The following NCKAP5 variants were observed in gnomAD, a reference collection of about 807,000 sequenced individuals.
NCKAP5 encodes nck-associated protein 5.
Under a neutral mutation model 167.0 loss-of-function variants are expected in NCKAP5, and 92 were observed. That is an observed-to-expected ratio of 0.55 (90% CI 0.47 to 0.66). NCKAP5 has a LOEUF of 0.66. Ranked by LOEUF, NCKAP5 falls within the 30% of genes least tolerant of loss-of-function variation. The pLI is 0.00. For missense variants in NCKAP5, 2,378 were observed against 2,315.0 expected, an observed-to-expected ratio of 1.03 and a Z score of -0.56; for synonymous variants, 891 against 877.4, an observed-to-expected ratio of 1.02 and a Z score of -0.27.
chr2:133,034,399 A>C (rs1034908708), intron 6 of NCKAP5, among the ~76,000 whole-genome samples: 1 of 152,170 alleles, frequency 6.6e-6, no homozygotes, highest in Non-Finnish European at 1.5e-5. Context: ...AAAGAACACT[A>C]ATGAGCAATA....
chr2:133,099,471 A>T (rs1008498226), intron 6 of NCKAP5, among the ~76,000 whole-genome samples: 1 of 152,196 alleles, frequency 6.6e-6, no homozygotes, highest in African/African-American at 2.4e-5. Flanking sequence ...CCCTGTCCTG[A>T]TATTCTCAGA....
At chr2:132,902,504 G>A (rs114884030) in intron 8 of NCKAP5, among the ~76,000 whole-genome samples, 132 of 152,320 alleles carry the variant, frequency 8.7e-4, no homozygotes, top group African/African-American at 3.2e-3. Flanking sequence ...AGGGTTTATT[G>A]ATTTACACAG....
At chr2:133,515,679 T>C (rs533652742) in intron 3 of NCKAP5, among the ~76,000 whole-genome samples, 4 of 152,302 alleles carry the variant, frequency 2.6e-5, no homozygotes, top group African/African-American at 9.6e-5. Flanking sequence ...TGTGACAGGA[T>C]TTTACTTATG....
At chr2:133,098,258 T>C (rs1182929562) in intron 6 of NCKAP5, among the ~76,000 whole-genome samples, 1 of 152,242 alleles carries the variant, frequency 6.6e-6, no homozygotes, top group East Asian at 1.9e-4. Flanking sequence ...TTGAATGCTA[T>C]TGTTAATGTG....
intron 19 of NCKAP5, among the ~76,000 whole-genome samples, chr2:132,709,414 G>A (rs2566525): frequency 0.61 from 92,477 of 151,700 alleles, 28,458 homozygotes; most frequent in East Asian, 0.85. Context: ...CAAGTTAAAA[G>A]TTGGTTTCTG....
chr2:133,366,707 T>C (rs1327022547), intron 3 of NCKAP5, among the ~76,000 whole-genome samples: 2 of 152,196 alleles, frequency 1.3e-5, no homozygotes, highest in South Asian at 2.1e-4. Context: ...TTATACACAG[T>C]TCATAAGAGA....
At chr2:133,365,464 G>T (rs1559420024) in intron 3 of NCKAP5, among the ~76,000 whole-genome samples, 1 of 151,640 alleles carries the variant, frequency 6.6e-6, no homozygotes, top group Admixed American at 6.6e-5. Flanking sequence ...CTATGAGCCA[G>T]GATCATTGGA....
chr2:133,075,598 G>A (rs539183429), intron 6 of NCKAP5, among the ~76,000 whole-genome samples: 1 of 152,228 alleles, frequency 6.6e-6, no homozygotes, highest in South Asian at 2.1e-4. Flanking sequence ...GACCTACATA[G>A]TTAAAGATTT....
At chr2:133,332,312 C>T (rs566934597) in intron 3 of NCKAP5, among the ~76,000 whole-genome samples, 24 of 152,230 alleles carry the variant, frequency 1.6e-4, no homozygotes, top group East Asian at 7.7e-4. Context: ...TAAATAAATA[C>T]GGCAAGCCTC....
chr2:133,055,740 T>C (rs1223392360), intron 6 of NCKAP5, among the ~76,000 whole-genome samples: 1 of 152,074 alleles, frequency 6.6e-6, no homozygotes, highest in Non-Finnish European at 1.5e-5. Flanking sequence ...CACATCTCAT[T>C]ATAATAGCCA....
intron 11 of NCKAP5, among the ~76,000 whole-genome samples, chr2:132,838,398 G>A (rs555358831): frequency 1.7e-4 from 26 of 152,266 alleles, no homozygotes; most frequent in South Asian, 6.2e-4. Context: ...TTGGGAGGCC[G>A]AGGTGGGTGG....
chr2:132,782,826 C>G lies in NCKAP5; in HGVS notation c.3985G>C (p.Ala1329Pro). ...TESSPNKAPSAPMLESLPSVG... is the reference protein window; with the variant it reads ...TESSPNKAPSPPMLESLPSVG... ...CTGGGGAGACTCTCCAACATGGGAG[C>G]AGAAGGGGCCTTGTTGGGAGAGCTT... Residue 1329 changes from alanine to proline, a missense_variant, in exon 14 of 20, where the codon GCT becomes CCT. Physicochemically the swap from Ala to Pro is conservative, Grantham distance 27. This residue lies in a region of NCKAP5 where 1,325 missense variants were observed against 1,274.5 expected (regional missense o/e 1.04). Transcript: ENST00000409261. 6.2e-7 allele frequency: 1 copy of G among 1,613,878 alleles called. No individual in the cohort carries two copies. Among genetic ancestry groups the G allele is most frequent in the East Asian group, 2.2e-5 (1 of 44,860 alleles).
chr2:132,989,612 G>A (rs1011721845), intron 7 of NCKAP5, among the ~76,000 whole-genome samples: 5 of 152,084 alleles, frequency 3.3e-5, no homozygotes, highest in African/African-American at 4.8e-5. Flanking sequence ...AATGAGAATC[G>A]AACATTTTAT....
intron 3 of NCKAP5, among the ~76,000 whole-genome samples, chr2:133,385,424 G>A (rs1002691612): frequency 7.2e-5 from 11 of 151,902 alleles, no homozygotes; most frequent in African/African-American, 1.7e-4. Context: ...ATAAGCTGTC[G>A]GATGTGCTGC....
chr2:132,815,775 C>A (rs112949523), intron 11 of NCKAP5, among the ~76,000 whole-genome samples: 1 of 152,168 alleles, frequency 6.6e-6, no homozygotes, highest in Non-Finnish European at 1.5e-5. Flanking sequence ...CAGGTCCACA[C>A]GCTGTGGTTA....
chr2:132,966,506 G>A (rs764572590), intron 7 of NCKAP5, among the ~76,000 whole-genome samples: 2 of 152,090 alleles, frequency 1.3e-5, no homozygotes, highest in South Asian at 2.1e-4. Flanking sequence ...TAGTGAATTC[G>A]TGTCATTCAC....
At chr2:132,715,346 G>T (rs1689265564) in intron 19 of NCKAP5, among the ~76,000 whole-genome samples, 1 of 152,052 alleles carries the variant, frequency 6.6e-6, no homozygotes, top group Non-Finnish European at 1.5e-5. Context: ...TCCGTGTCTG[G>T]TGTAACCATT....
At chr2:133,176,126 G>A (rs931796298) in intron 5 of NCKAP5, among the ~76,000 whole-genome samples, 14 of 152,160 alleles carry the variant, frequency 9.2e-5, no homozygotes, top group African/African-American at 3.4e-4. Flanking sequence ...CCAACAAAAG[G>A]GTGCAGGTGT....
At chr2:133,542,169 T>C (rs1204151774) in intron 2 of NCKAP5, among the ~76,000 whole-genome samples, 1 of 152,152 alleles carries the variant, frequency 6.6e-6, no homozygotes, top group Non-Finnish European at 1.5e-5. Flanking sequence ...AAGCTGTTCA[T>C]GAGATCACAA....
Sources: gnomAD v4.1 joint callset for allele counts (sites outside exome capture counted in the v4.1 genomes callset) on GRCh38, gnomAD v4.1.1 for gene constraint, gnomAD v4.1.1 regional missense constraint, MANE v1.5 for transcripts, NCBI Gene and HGNC (gene_info 2026-07-23, HGNC 2026-07-21) for gene names.